The following CSNK2A2IP variants were observed in gnomAD, a reference collection of about 807,000 sequenced individuals.
CSNK2A2IP encodes casein kinase 2 subunit alpha' interacting protein, also known as casein kinase II subunit alpha'-interacting protein.
At chr3:88,432,351 A>C in the CSNK2A2IP span, among the ~76,000 whole-genome samples, 138 of 152,018 alleles carry the variant, frequency 9.1e-4, 1 homozygote, top group African/African-American at 3.2e-3. Context: ...TAAATATATA[A>C]TACATATAAG....
chr3:88,467,395 G>A, the CSNK2A2IP span: 1 of 398,660 alleles, frequency 2.5e-6, no homozygotes, highest in Non-Finnish European at 4.4e-6. Flanking sequence ...GTTGCCTGCA[G>A]GGGTCTCCTG....
chr3:88,414,188 T>C, the CSNK2A2IP span, among the ~76,000 whole-genome samples: 1 of 146,624 alleles, frequency 6.8e-6, no homozygotes, highest in Non-Finnish European at 1.5e-5. Context: ...ACAAGTAACA[T>C]ATATATGTAT....
At chr3:88,411,260 G>A in the CSNK2A2IP span, among the ~76,000 whole-genome samples, 4 of 151,790 alleles carry the variant, frequency 2.6e-5, no homozygotes, top group African/African-American at 7.3e-5. Flanking sequence ...AGCAATGGAG[G>A]CCATCTTGTT....
At chr3:88,465,348 A>C in the CSNK2A2IP span, 1 of 1,231,214 alleles carries the variant, frequency 8.1e-7, no homozygotes, top group Non-Finnish European at 1.0e-6. Flanking sequence ...GACCTCTACT[A>C]CAACACAAGA....
chr3:88,439,760 A>T, the CSNK2A2IP span, among the ~76,000 whole-genome samples: 2 of 144,536 alleles, frequency 1.4e-5, no homozygotes, highest in African/African-American at 2.5e-5. Flanking sequence ...AAAAAAAATC[A>T]TCGAAGAGTT....
the CSNK2A2IP span, among the ~76,000 whole-genome samples, chr3:88,389,199 T>C: frequency 6.6e-6 from 1 of 151,522 alleles, no homozygotes; most frequent in African/African-American, 2.4e-5. Context: ...AATAGGGGGT[T>C]CAGGAAGGAG....
chr3:88,465,704 G>A, the CSNK2A2IP span: 5 of 1,231,664 alleles, frequency 4.1e-6, no homozygotes, highest in Non-Finnish European at 3.0e-6. Context: ...CCTGCTCAAA[G>A]AGCCCTGAAC....
the CSNK2A2IP span, among the ~76,000 whole-genome samples, chr3:88,422,435 G>A: frequency 2.0e-5 from 3 of 152,146 alleles, no homozygotes; most frequent in African/African-American, 7.2e-5. Flanking sequence ...TTTAAAAAGT[G>A]ATTTGCTCTT....
the CSNK2A2IP span, among the ~76,000 whole-genome samples, chr3:88,455,306 A>G: frequency 1.3e-5 from 2 of 151,850 alleles, no homozygotes; most frequent in African/African-American, 4.8e-5. Context: ...ATTTTTTACA[A>G]TGGCTGTACC....
chr3:88,368,549 C>A, the CSNK2A2IP span, among the ~76,000 whole-genome samples: 1 of 151,878 alleles, frequency 6.6e-6, no homozygotes, highest in Non-Finnish European at 1.5e-5. Context: ...TTTGGCATTT[C>A]TGTGGTGGAA....
chr3:88,420,287 T>C, the CSNK2A2IP span, among the ~76,000 whole-genome samples: 2 of 152,208 alleles, frequency 1.3e-5, no homozygotes, highest in Admixed American at 6.5e-5. Flanking sequence ...AAAAATATTA[T>C]TGTTGGCTAC....
the CSNK2A2IP span, among the ~76,000 whole-genome samples, chr3:88,365,950 T>C: frequency 6.6e-6 from 1 of 152,146 alleles, no homozygotes; most frequent in Non-Finnish European, 1.5e-5. Context: ...GGGGTTATTA[T>C]TTACTTAAAT....
the CSNK2A2IP span, among the ~76,000 whole-genome samples, chr3:88,372,293 G>T: frequency 1.3e-5 from 2 of 151,296 alleles, no homozygotes; most frequent in East Asian, 1.9e-4. Flanking sequence ...ACTTTTAATG[G>T]CAAAAACTGC....
the CSNK2A2IP span, among the ~76,000 whole-genome samples, chr3:88,358,501 C>T: frequency 3.3e-5 from 5 of 150,474 alleles, no homozygotes; most frequent in South Asian, 2.2e-4. Context: ...AGGTGTGTTC[C>T]TTTTATACTC....
chr3:88,355,121 T>C, the CSNK2A2IP span, among the ~76,000 whole-genome samples: 1 of 152,054 alleles, frequency 6.6e-6, no homozygotes, highest in East Asian at 1.9e-4. Flanking sequence ...CATTGGAGAA[T>C]CAGGAAGCTA....
chr3:88,374,448 A>G, the CSNK2A2IP span, among the ~76,000 whole-genome samples: 6 of 151,724 alleles, frequency 4.0e-5, no homozygotes, highest in Admixed American at 3.3e-4. Context: ...TTACCAAGGA[A>G]CTGAATGAGA....
chr3:88,423,256 T>C, the CSNK2A2IP span, among the ~76,000 whole-genome samples: 1 of 152,206 alleles, frequency 6.6e-6, no homozygotes, highest in Non-Finnish European at 1.5e-5. Flanking sequence ...TAATGTAATA[T>C]TCACAGGAAA....
chr3:88,415,285 T>C, the CSNK2A2IP span, among the ~76,000 whole-genome samples: 1 of 151,824 alleles, frequency 6.6e-6, no homozygotes, highest in Non-Finnish European at 1.5e-5. Flanking sequence ...CAATGCAGAG[T>C]ATTAAGGGAA....
chr3:88,366,428 A>C, the CSNK2A2IP span, among the ~76,000 whole-genome samples: 1 of 152,166 alleles, frequency 6.6e-6, no homozygotes, highest in Non-Finnish European at 1.5e-5. Flanking sequence ...TTATGAGAGA[A>C]AAATTTATTT....
Sources: gnomAD v4.1 joint callset for allele counts (sites outside exome capture counted in the v4.1 genomes callset) on GRCh38, gnomAD v4.1.1 for gene constraint, MANE v1.5 for transcripts, NCBI Gene and HGNC (gene_info 2026-07-23, HGNC 2026-07-21) for gene names.